MPP7: variants seen among roughly 807,000 people sequenced by gnomAD.
The protein encoded by MPP7 is MAGUK p55 subfamily member 7.
In MPP7, 60 loss-of-function variants were observed where a neutral mutation model predicts 76.5. The ratio of observed to expected loss-of-function variants is 0.78; its 90% confidence interval spans 0.64 to 0.97. The LOEUF is 0.97. Among genes scored for constraint, MPP7 ranks in the 50% least tolerant of loss-of-function variants. The probability of loss-of-function intolerance (pLI) is 0.00; values close to 1 mark genes in which losing one functional copy is unlikely to be tolerated. For synonymous variants in MPP7, 237 were observed against 244.5 expected (o/e 0.97, Z 0.29); for missense variants, 641 against 694.0 (o/e 0.92, Z 0.86).
intron 1 of MPP7, among the ~76,000 whole-genome samples, chr10:28,262,386 A>G (rs9919516): frequency 0.23 from 33,804 of 148,290 alleles, 5,097 homozygotes; most frequent in East Asian, 0.52. Context: ...GTGAGCCACC[A>G]TGCCCAGCCA....
At chr10:28,064,794 C>A (rs1851926486) in intron 13 of MPP7, among the ~76,000 whole-genome samples, 1 of 152,144 alleles carries the variant, frequency 6.6e-6, no homozygotes, top group Non-Finnish European at 1.5e-5. Context: ...GCAGGTGGTG[C>A]ACCAAGAGGT....
At chr10:28,242,559 A>T (rs978187142) in intron 1 of MPP7, among the ~76,000 whole-genome samples, 1 of 152,232 alleles carries the variant, frequency 6.6e-6, no homozygotes, top group Non-Finnish European at 1.5e-5. Flanking sequence ...TATACCAGCC[A>T]TTCTCAAAGC....
At chr10:28,289,689 C>G (rs1418534915) in intron 1 of MPP7, among the ~76,000 whole-genome samples, 1 of 152,168 alleles carries the variant, frequency 6.6e-6, no homozygotes, top group Non-Finnish European at 1.5e-5. Context: ...TCCACCCGAA[C>G]CCACTCTGGG....
intron 1 of MPP7, among the ~76,000 whole-genome samples, chr10:28,300,490 A>G (rs1016383127): frequency 1.3e-5 from 2 of 152,198 alleles, no homozygotes; most frequent in Admixed American, 1.3e-4. Context: ...TTGACAGGAG[A>G]GTAAAAGTTA....
At chr10:28,144,779 C>T (rs10826406) in intron 5 of MPP7, among the ~76,000 whole-genome samples, 26,708 of 152,024 alleles carry the variant, frequency 0.18, 3,029 homozygotes, top group East Asian at 0.5. Flanking sequence ...TCCTATGTAT[C>T]CCATATCATT....
At chr10:28,299,765 A>ATTTTTTT (rs1841109518) in intron 1 of MPP7, among the ~76,000 whole-genome samples, 2 of 128,064 alleles carry the variant, frequency 1.6e-5, no homozygotes, top group Non-Finnish European at 3.2e-5. Flanking sequence ...AAAATTCAAG[A>ATTTTTTT]CTTTTTTTTT....
chr10:28,212,199 C>G, intron 2 of MPP7, among the ~76,000 whole-genome samples: 1 of 152,016 alleles, frequency 6.6e-6, no homozygotes, highest in East Asian at 1.9e-4. Context: ...AGGGCCGAGG[C>G]AGACAACTAT....
rs775397376 is a variant in MPP7 at position 28,238,567 on chromosome 10, C to T, written c.37+1G>A. On this transcript the variant is annotated splice_donor_variant, in intron 2 of 16. Coordinates refer to ENST00000683449, the MANE Select transcript of MPP7 (RefSeq NM_001318170.2). LOFTEE classifies it high-confidence loss of function. ...GAACTGCCCCTCTTGGGGTCACATA[C>T]CAGTGTCACTCCCAGATCCCGTTGA... 1.2e-6 allele frequency: 2 copies of T among 1,614,048 alleles called. No homozygotes were observed. Among genetic ancestry groups the T allele is most frequent in the Non-Finnish European group, 1.7e-6 (2 of 1,179,916 alleles).
At chr10:28,272,229 T>C (rs1840348913) in intron 1 of MPP7, among the ~76,000 whole-genome samples, 1 of 152,174 alleles carries the variant, frequency 6.6e-6, no homozygotes, top group Non-Finnish European at 1.5e-5. Context: ...ACTTTTAGAT[T>C]CGTGACTTAG....
chr10:28,332,246 C>CGTGTGTGTGTGTGTGTGTGTGTGTGT (rs4018712), intron 1 of MPP7, among the ~76,000 whole-genome samples: 14 of 146,794 alleles, frequency 9.5e-5, no homozygotes, highest in South Asian at 2.2e-4. Flanking sequence ...CAAATGTATG[C>CGTGTGTGTGTGTGTGTGTGTGTGTGT]GTGTGTGTGT....
At chr10:28,155,516 T>C (rs1381969756) in intron 3 of MPP7, among the ~76,000 whole-genome samples, 1 of 148,616 alleles carries the variant, frequency 6.7e-6, no homozygotes, top group Non-Finnish European at 1.5e-5. Context: ...ATTGATTGAT[T>C]GAGCCCAGGA....
At chr10:28,188,477 C>T (rs1453007443) in intron 3 of MPP7, among the ~76,000 whole-genome samples, 3 of 151,806 alleles carry the variant, frequency 2.0e-5, no homozygotes, top group Non-Finnish European at 4.4e-5. Flanking sequence ...TTATAATAGG[C>T]TAATAGACAA....
intron 3 of MPP7, among the ~76,000 whole-genome samples, chr10:28,179,647 C>T (rs1162185875): frequency 1.3e-5 from 2 of 152,160 alleles, no homozygotes; most frequent in Non-Finnish European, 2.9e-5. Flanking sequence ...AGTGACAGAA[C>T]TAAATTCTTT....
intron 11 of MPP7, among the ~76,000 whole-genome samples, chr10:28,114,472 T>C (rs1834599999): frequency 6.6e-6 from 1 of 151,946 alleles, no homozygotes; most frequent in South Asian, 2.1e-4. Context: ...CTTAAGAGAA[T>C]GAACTAGAAA....
intron 2 of MPP7, among the ~76,000 whole-genome samples, chr10:28,225,210 C>A (rs368641550): frequency 2.2e-4 from 33 of 152,078 alleles, no homozygotes; most frequent in African/African-American, 7.7e-4. Flanking sequence ...TGAACTAAGA[C>A]CATAAAACTC....
chr10:28,262,442 A>G (rs956722297), intron 1 of MPP7, among the ~76,000 whole-genome samples: 1 of 151,368 alleles, frequency 6.6e-6, no homozygotes. Context: ...TGAAACTAAC[A>G]GTATATCCCA....
At chr10:28,225,749 G>A (rs993607673) in intron 2 of MPP7, among the ~76,000 whole-genome samples, 1 of 152,180 alleles carries the variant, frequency 6.6e-6, no homozygotes, top group African/African-American at 2.4e-5. Context: ...TGGAAAATAG[G>A]TTGGTGGTTC....
intron 3 of MPP7, among the ~76,000 whole-genome samples, chr10:28,168,656 C>G (rs1836572700): frequency 6.6e-6 from 1 of 152,080 alleles, no homozygotes; most frequent in South Asian, 2.1e-4. Flanking sequence ...GTAGCTGGGA[C>G]TACAGGTGCC....
In MPP7 at chr10:28,259,541, T is replaced by C. The variant is rs1588994171; in HGVS notation, c.-131-20806A>G. The stretch of plus-strand genomic sequence containing the variant: ...CTGAACCACTGCAGTGAGCCGAGAT[T>C]GCACCACTGCACTCCAGCCTGGGTG... On this transcript the variant is annotated intron_variant, in intron 1 of 16. Transcript: ENST00000683449. Among the ~76,000 whole-genome samples the C allele has an allele frequency of 2.1e-5, 3 of 145,160 alleles. No individual in the cohort carries two copies. In the Admixed American group the frequency reaches 2.1e-4, roughly 10 times the overall value.
Sources: gnomAD v4.1 joint callset for allele counts (sites outside exome capture counted in the v4.1 genomes callset) on GRCh38, gnomAD v4.1.1 for gene constraint, MANE v1.5 for transcripts, NCBI Gene and HGNC (gene_info 2026-07-23, HGNC 2026-07-21) for gene names.